Variants in TRUB2 observed in about 807,000 individuals in gnomAD.
TRUB2 encodes the protein TruB pseudouridine synthase family member 2.
A neutral mutation model predicts 31.9 loss-of-function variants in TRUB2; 31 were observed. The ratio of observed to expected loss-of-function variants is 0.97; its 90% CI spans 0.73 to 1.31. The LOEUF (loss-of-function observed/expected upper bound fraction) is 1.31. TRUB2 is among the 50% of genes most tolerant of loss of function. The pLI, the probability that TRUB2 is intolerant of heterozygous loss-of-function variation, is 0.00. For synonymous variants in TRUB2, 201 were observed against 182.6 expected, an observed-to-expected ratio of 1.10 and a Z score of -0.81; for missense variants, 451 against 439.6, an observed-to-expected ratio of 1.03 and a Z score of -0.23.
chr9:128,317,245 G>A lies in TRUB2; in HGVS notation c.242-19C>T. 6.3e-7 allele frequency: 1 copy of A among 1,583,212 alleles called. No individual in the cohort carries two copies. Among genetic ancestry groups the A allele is most frequent in the Non-Finnish European group, 8.6e-7 (1 of 1,162,756 alleles). On this transcript the variant is annotated intron_variant, in intron 2 of 7. Transcript: ENST00000372890. Reference sequence around the variant, plus strand: ...CCACATACTGGAAAGAAACAAACAAGGTCCATTTTCTCAACTAAATGCCAC... The same window carrying A: ...CCACATACTGGAAAGAAACAAACAAAGTCCATTTTCTCAACTAAATGCCAC...
At position 128,309,835 on chromosome 9, in the gene TRUB2, C is replaced by T. The variant is rs765647021; in HGVS notation, c.711G>A (p.Lys237=). The part of the protein sequence containing the change: ...CMHETQKELR[K]LVHEIGLELK... ...GTTCCAGGCCGATTTCATGAACCAA[C>T]TTCCGCAGCTCTTTCTGCGTCTCAT... The change falls in exon 8 of 8, where the codon AAG becomes AAA. Residue 237 remains lysine, a synonymous_variant. Transcript: ENST00000372890. 3.1e-6 allele frequency: 5 copies of T among 1,614,240 alleles called. No individual in the cohort carries two copies. Among genetic ancestry groups the T allele is most frequent in the Non-Finnish European group, 4.2e-6 (5 of 1,180,040 alleles).
intron 7 of TRUB2, among the ~76,000 whole-genome samples, chr9:128,310,080 G>A (rs1191031524): frequency 3.1e-4 from 47 of 151,966 alleles, no homozygotes; most frequent in Non-Finnish European, 1.5e-5. Context: ...GGCCCCACCG[G>A]GACCTGCCAA....
At position 128,308,561 on chromosome 9, in the gene TRUB2, A is replaced by G. The variant is rs1267937639; in HGVS notation, c.*989T>C. 2.0e-5 allele frequency: 3 copies of G among 151,870 alleles called. No individual in the cohort carries two copies. Among genetic ancestry groups the G allele is most frequent in the African/African-American group, 7.3e-5 (3 of 41,296 alleles). The allele number at this position is 151,870 out of a possible 1,614,324, so 9.4% of individuals were successfully genotyped here. A position where few individuals can be genotyped will look rare whatever the true frequency, so the allele number is the denominator to read the frequency against. ...AAACAAAAACAAAAAAATGATTAAC[A>G]TTTCAATCAGTCAATGGGTAGACTT... is the stretch of plus-strand genomic sequence containing the variant. On this transcript the variant is annotated 3_prime_UTR_variant, in exon 8 of 8. Coordinates refer to ENST00000372890, the MANE Select transcript of TRUB2 (RefSeq NM_015679.3).
At chr9:128,321,988 G>A (rs1285079422) in intron 1 of TRUB2, among the ~76,000 whole-genome samples, 2 of 152,196 alleles carry the variant, frequency 1.3e-5, no homozygotes, top group Non-Finnish European at 2.9e-5. Context: ...TTAGACAACA[G>A]GGAAGTATGA....
chr9:128,308,179 G>C lies in TRUB2; in HGVS notation c.*1371C>G, dbSNP rs1831898312. On this transcript the variant is annotated 3_prime_UTR_variant, in exon 8 of 8. Coordinates refer to ENST00000372890, the MANE Select transcript of TRUB2 (RefSeq NM_015679.3). ...TGGGAGGCAGAGGTTGCAGTGAGCT[G>C]AGATTGTGCCACTGCACTCCAACCT... 1 of 148,182 alleles carries C rather than the reference G, an allele frequency of 6.7e-6. No individual in the cohort carries two copies. Among genetic ancestry groups the C allele is most frequent in the Non-Finnish European group, 1.5e-5 (1 of 67,172 alleles). 9.2% of individuals were successfully genotyped at this position (148,182 alleles called of 1,614,324 possible).
In TRUB2 at chr9:128,306,474, A is replaced by C. The variant is rs1831867186; in HGVS notation, c.*3076T>G. 1 of 142,588 alleles carries C rather than the reference A, an allele frequency of 7.0e-6. No individual in the cohort carries two copies. The highest frequency in any genetic ancestry group is 2.6e-5 in the African/African-American group (1 of 37,890). The allele number at this position is 142,588 out of a possible 1,614,324, so 8.8% of individuals were successfully genotyped here. ...TTTTTTTTTTTTGAGACAGAGTCTC[A>C]CTCTGTCACCTAGGCTGGAGTGCAG... On this transcript the variant is annotated 3_prime_UTR_variant, in exon 8 of 8. Coordinates refer to ENST00000372890, the MANE Select transcript of TRUB2 (RefSeq NM_015679.3).
rs1487692144 is a variant in TRUB2, at chr9:128,305,745, G to A, written c.*3805C>T. ...AGGGTCTCGCTCTGTTGCCCAGGCT[G>A]GAGTACAGATCTCCATTTACTGCCG... On this transcript the variant is annotated 3_prime_UTR_variant, in exon 8 of 8. Coordinates refer to ENST00000372890, the MANE Select transcript of TRUB2 (RefSeq NM_015679.3). 6.6e-6 allele frequency: 1 copy of A among 152,244 alleles called. No individual in the cohort carries two copies. Among genetic ancestry groups the A allele is most frequent in the Non-Finnish European group, 1.5e-5 (1 of 68,158 alleles). The allele number at this position is 152,244 out of a possible 1,614,324, so 9.4% of individuals were successfully genotyped here. A position where few individuals can be genotyped will look rare whatever the true frequency, so the allele number is the denominator to read the frequency against.
Position 128,321,737 on chromosome 9 carries a change from A to C in TRUB2, c.110-7T>G, listed in dbSNP as rs1223011037. On this transcript the variant is annotated splice_region_variant and splice_polypyrimidine_tract_variant and intron_variant, in intron 1 of 7. Transcript: ENST00000372890. Reference sequence around the variant, plus strand: ...GGCTTCCTGGCATTGAGACCTGAACACACAGAGATAATATATACACACATA... The same window carrying C: ...GGCTTCCTGGCATTGAGACCTGAACCCACAGAGATAATATATACACACATA... The C allele has an allele frequency of 1.9e-6, 3 of 1,612,610 alleles. No homozygotes were observed. Among genetic ancestry groups the C allele is most frequent in the African/African-American group, 2.7e-5 (2 of 74,874 alleles).
intron 7 of TRUB2, 107 bp from the exon 8 acceptor site, chr9:128,309,982 C>T (rs2231640): frequency 0.022 from 26,698 of 1,224,524 alleles, 457 homozygotes; most frequent in South Asian, 0.053. Context: ...ACAACCTTAG[C>T]AAGACCCCTA....
chr9:128,313,256 G>T (rs1037450815), intron 5 of TRUB2, among the ~76,000 whole-genome samples: 7 of 146,582 alleles, frequency 4.8e-5, no homozygotes, highest in African/African-American at 1.5e-4. Flanking sequence ...GCTGGGCGCG[G>T]TGGCTCATGC....
chr9:128,309,534 G>A lies in TRUB2; in HGVS notation c.*16C>T, dbSNP rs1456029323. The A allele has an allele frequency of 3.8e-6, 6 of 1,597,638 alleles. No individual in the cohort carries two copies. Among genetic ancestry groups the A allele is most frequent in the Non-Finnish European group, 3.4e-6 (4 of 1,168,832 alleles). ...TTCTATTTATCCATCCACTGCCCCA[G>A]GAGCTGCCTGGGCATTCACTGCCCC... is the stretch of plus-strand genomic sequence containing the variant. On this transcript the variant is annotated 3_prime_UTR_variant, in exon 8 of 8. Coordinates refer to ENST00000372890, the MANE Select transcript of TRUB2 (RefSeq NM_015679.3).
At chr9:128,313,633 A>G (rs1298510389) in intron 5 of TRUB2, among the ~76,000 whole-genome samples, 175 bp downstream of exon 5, 1 of 152,156 alleles carries the variant, frequency 6.6e-6, no homozygotes, top group Non-Finnish European at 1.5e-5. Flanking sequence ...CATTTGAGCT[A>G]GGCAAGCAGG....
rs1564381990 is a variant in TRUB2 at position 128,309,971 on chromosome 9, A to G, written c.671-96T>C. 12 of 1,347,122 alleles carry G rather than the reference A, an allele frequency of 8.9e-6. No individual in the cohort carries two copies. The Admixed American group carries it at 2.5e-4, about 28-fold the overall frequency. The allele number at this position is 1,347,122 out of a possible 1,614,324, so 83.4% of individuals were successfully genotyped here. On this transcript the variant is annotated intron_variant, in intron 7 of 7. Coordinates refer to ENST00000372890, the MANE Select transcript of TRUB2 (RefSeq NM_015679.3). The stretch of plus-strand genomic sequence containing the variant: ...CCCCTTGGATACCTCCTAGGTGTGT[A>G]ACAACCTTAGCAAGACCCCTAAGCT...
rs749406355 is a variant in TRUB2, at chr9:128,322,251, C to T, written c.109+49G>A. The T allele has an allele frequency of 1.7e-5, 26 of 1,523,948 alleles. No homozygotes were observed. In the African/African-American group the frequency reaches 3.1e-4, roughly 18 times the overall value. 94.4% of individuals were successfully genotyped at this position (1,523,948 alleles called of 1,614,324 possible). On this transcript the variant is annotated intron_variant, in intron 1 of 7. Transcript: ENST00000372890. Reference sequence around the variant, plus strand: ...GGTAAGGACCAGAAGCGGAGATGGACTTCCAAGAGAACGAGAGCGGGAACG... The same window carrying T: ...GGTAAGGACCAGAAGCGGAGATGGATTTCCAAGAGAACGAGAGCGGGAACG...
At chr9:128,322,226 G>C in intron 1 of TRUB2, 74 bp downstream of exon 1, 1 of 1,315,326 alleles carries the variant, frequency 7.6e-7, no homozygotes, top group Non-Finnish European at 1.1e-6. Flanking sequence ...TTTGTTTTGG[G>C]GTAAGGACCA....
intron 2 of TRUB2, among the ~76,000 whole-genome samples, chr9:128,320,768 C>T (rs1832153103): frequency 6.6e-6 from 1 of 152,036 alleles, no homozygotes; most frequent in African/African-American, 2.4e-5. Flanking sequence ...CTGGCCTTCC[C>T]ATATATTTTA....
chr9:128,321,290 G>A (rs901518832), intron 2 of TRUB2, among the ~76,000 whole-genome samples: 1 of 152,196 alleles, frequency 6.6e-6, no homozygotes, highest in Non-Finnish European at 1.5e-5. Flanking sequence ...AAAATTACCT[G>A]AAGTTCAAAT....
Position 128,308,044 on chromosome 9 carries a change from AC to A in TRUB2, c.*1505del, listed in dbSNP as rs1831896488. 2 of 152,174 alleles carry A rather than the reference AC, an allele frequency of 1.3e-5. No homozygotes were observed. The highest frequency in any genetic ancestry group is 4.8e-5 in the African/African-American group (2 of 41,396). The allele number at this position is 152,174 out of a possible 1,614,324, so 9.4% of individuals were successfully genotyped here. A position where few individuals can be genotyped will look rare whatever the true frequency, so the allele number is the denominator to read the frequency against. On this transcript the variant is annotated 3_prime_UTR_variant, in exon 8 of 8. Transcript: ENST00000372890. Reference sequence around the variant, plus strand: ...CAGGAGTTCCAGACCAGCCTGGCCAACATGGTGAAACCCTGTCTCTACTAAA... The same window carrying A: ...CAGGAGTTCCAGACCAGCCTGGCCAAATGGTGAAACCCTGTCTCTACTAAA...
intron 4 of TRUB2, among the ~76,000 whole-genome samples, chr9:128,314,488 T>C (rs1027995372): frequency 1.3e-5 from 2 of 152,052 alleles, no homozygotes; most frequent in African/African-American, 2.4e-5. Context: ...TAAGTAATGA[T>C]TGGCTGGATA....
Sources: allele counts gnomAD v4.1 joint callset (sites outside exome capture counted in the v4.1 genomes callset), GRCh38; gene constraint gnomAD v4.1.1; transcripts MANE v1.5; gene names NCBI Gene and HGNC (gene_info 2026-07-23, HGNC 2026-07-21).